PSME1: variants seen among roughly 807,000 people sequenced by gnomAD.
PSME1 encodes the protein proteasome activator subunit 1.
A neutral mutation model predicts 38.4 loss-of-function variants in PSME1; 15 were observed. The observed-to-expected ratio is 0.39, with a 90% confidence interval of 0.26 to 0.60. The LOEUF (loss-of-function observed/expected upper bound fraction) is 0.60, where lower values mean the gene tolerates loss of function less well. Among genes scored for constraint, PSME1 ranks in the 20% least tolerant of loss-of-function variants. The pLI is 0.53. For synonymous variants in PSME1, 106 were observed against 106.8 expected, an observed-to-expected ratio of 0.99 and a Z score of 0.05; for missense variants, 249 against 305.6, an observed-to-expected ratio of 0.81 and a Z score of 1.38.
At position 24,136,793 on chromosome 14, in the gene PSME1, G is replaced by A. The variant is rs1387453725; in HGVS notation, c.40-192G>A. On this transcript the variant is annotated intron_variant, in intron 1 of 10. Coordinates refer to ENST00000206451, the MANE Select transcript of PSME1 (RefSeq NM_006263.4). The surrounding 1 kb of genome is among the most constrained non-coding windows in gnomAD (Gnocchi z 4.8). ...ACCCACTCCACTTTCCGTAGATCCA[G>A]GTCTGCAGAGATCCACCTTCTCCAC... The A allele has an allele frequency of 3.0e-6, 2 of 671,174 alleles. No individual in the cohort carries two copies. Among genetic ancestry groups the A allele is most frequent in the African/African-American group, 3.6e-5 (2 of 56,224 alleles). 41.6% of individuals were successfully genotyped at this position (671,174 alleles called of 1,614,324 possible).
Position 24,136,760 on chromosome 14 carries a change from C to G in PSME1, c.40-225C>G, listed in dbSNP as rs1047050672. The G allele has an allele frequency of 1.4e-5, 9 of 627,922 alleles. No individual in the cohort carries two copies. Among genetic ancestry groups the G allele is most frequent in the Non-Finnish European group, 2.6e-5 (9 of 346,566 alleles). The allele number at this position is 627,922 out of a possible 1,614,324, so 38.9% of individuals were successfully genotyped here. On this transcript the variant is annotated intron_variant, in intron 1 of 10. Coordinates refer to ENST00000206451, the MANE Select transcript of PSME1 (RefSeq NM_006263.4). The surrounding 1 kb of genome is among the most constrained non-coding windows in gnomAD (Gnocchi z 4.8). ...ATGTTCTCATCCCCCATATCCAGCC[C>G]CAGGGATACCCACTCCACTTTCCGT... is the stretch of plus-strand genomic sequence containing the variant.
rs1555345675 is a variant in PSME1, at chr14:24,138,193, T to C, written c.460-3T>C. 2 of 1,614,134 alleles carry C rather than the reference T, an allele frequency of 1.2e-6. No homozygotes were observed. The highest frequency in any genetic ancestry group is 1.7e-6 in the Non-Finnish European group (2 of 1,180,014). On this transcript the variant is annotated splice_region_variant and splice_polypyrimidine_tract_variant and intron_variant, in intron 7 of 10. Transcript: ENST00000206451. ...CACTTTCCCCCTTGCTTTTTTTCCC[T>C]AGGAGAAGGTGTTTGAGCTGATGAC...
chr14:24,137,526 G>A lies in PSME1; in HGVS notation c.253G>A (p.Asp85Asn), dbSNP rs1348612609. ...EERKKQQEKE[D>N]KDEKKKGEDE... Reference sequence around the variant, plus strand: ...AGCTCCTCTCTTTCTGCAGAAGGAAGACAAGGATGAAAAGAAGAAGGGGGA... The same window carrying A: ...AGCTCCTCTCTTTCTGCAGAAGGAAAACAAGGATGAAAAGAAGAAGGGGGA... Residue 85 changes from aspartate (D) to asparagine (N), a missense_variant, in exon 5 of 11, where the codon GAC becomes AAC. Transcript: ENST00000206451. 1.2e-6 allele frequency: 2 copies of A among 1,614,232 alleles called. No homozygotes were observed. Among genetic ancestry groups the A allele is most frequent in the East Asian group, 2.2e-5 (1 of 44,890 alleles).
rs768505554 is a variant in PSME1 at position 24,136,966 on chromosome 14, G to A, written c.40-19G>A. ...TGGCCTTAAAGCCAAGTTTCTGAAG[G>A]GATGCGTGTGCCCCACAGGTGGATG... is the stretch of plus-strand genomic sequence containing the variant. On this transcript the variant is annotated intron_variant, in intron 1 of 10. Coordinates refer to ENST00000206451, the MANE Select transcript of PSME1 (RefSeq NM_006263.4). The surrounding 1 kb of genome is among the most constrained non-coding windows in gnomAD (Gnocchi z 4.8). 6.2e-6 allele frequency: 10 copies of A among 1,614,098 alleles called. No homozygotes were observed. In the South Asian group the frequency reaches 1.1e-4, roughly 18 times the overall value.
chr14:24,136,766 A>G lies in PSME1; in HGVS notation c.40-219A>G. On this transcript the variant is annotated intron_variant, in intron 1 of 10. Coordinates refer to ENST00000206451, the MANE Select transcript of PSME1 (RefSeq NM_006263.4). The surrounding 1 kb of genome is among the most constrained non-coding windows in gnomAD (Gnocchi z 4.8). ...TCATCCCCCATATCCAGCCCCAGGGATACCCACTCCACTTTCCGTAGATCC... is the reference window on the plus strand; with the variant it reads ...TCATCCCCCATATCCAGCCCCAGGGGTACCCACTCCACTTTCCGTAGATCC... 1 of 633,308 alleles carries G rather than the reference A, an allele frequency of 1.6e-6. No homozygotes were observed. Among genetic ancestry groups the G allele is most frequent in the Non-Finnish European group, 2.9e-6 (1 of 348,564 alleles). 39.2% of individuals were successfully genotyped at this position (633,308 alleles called of 1,614,324 possible).
chr14:24,137,213 G>C lies in PSME1; in HGVS notation c.135+8G>C, dbSNP rs775065143. 1 of 1,613,934 alleles carries C rather than the reference G, an allele frequency of 6.2e-7. No homozygotes were observed. The highest frequency in any genetic ancestry group is 8.5e-7 in the Non-Finnish European group (1 of 1,179,814). ...CTGGATGCATTTTTAAAGGTACCGCGGCTGGGCAGGGAGCTAGGGAGTAAA... is the reference window on the plus strand; with the variant it reads ...CTGGATGCATTTTTAAAGGTACCGCCGCTGGGCAGGGAGCTAGGGAGTAAA... On this transcript the variant is annotated splice_region_variant and intron_variant, in intron 3 of 10. Transcript: ENST00000206451.
rs1206796117 is a variant in PSME1, at chr14:24,136,880, C to T, written c.40-105C>T. The T allele has an allele frequency of 2.9e-6, 4 of 1,397,566 alleles. No individual in the cohort carries two copies. The highest frequency in any genetic ancestry group is 1.2e-5 in the South Asian group (1 of 85,398). 86.6% of individuals were successfully genotyped at this position (1,397,566 alleles called of 1,614,324 possible). A position where few individuals can be genotyped will look rare whatever the true frequency, so the allele number is the denominator to read the frequency against. ...CTTCAGGTCTGGCCTTAGAGGGATCCCCTCCACCCTTCCCCAGGTCAGGCC... is the reference window on the plus strand; with the variant it reads ...CTTCAGGTCTGGCCTTAGAGGGATCTCCTCCACCCTTCCCCAGGTCAGGCC... On this transcript the variant is annotated intron_variant, in intron 1 of 10. Coordinates refer to ENST00000206451, the MANE Select transcript of PSME1 (RefSeq NM_006263.4). The surrounding 1 kb of genome is among the most constrained non-coding windows in gnomAD (Gnocchi z 4.8).
intron 9 of PSME1, 25 bp downstream of exon 9, chr14:24,138,424 C>G: frequency 6.2e-7 from 1 of 1,614,172 alleles, no homozygotes; most frequent in Non-Finnish European, 8.5e-7. Flanking sequence ...GGTCAGGGTG[C>G]ATGGGGGAAG....
In PSME1 at chr14:24,136,934, A is replaced by G. The variant is rs1054385552; in HGVS notation, c.40-51A>G. The stretch of plus-strand genomic sequence containing the variant: ...CATAACCCTAAGGGAACTGTCCTCA[A>G]ATGAACTGGCCTTAAAGCCAAGTTT... On this transcript the variant is annotated intron_variant, in intron 1 of 10. Transcript: ENST00000206451. The surrounding 1 kb of genome is among the most constrained non-coding windows in gnomAD (Gnocchi z 4.8). 1.2e-6 allele frequency: 2 copies of G among 1,612,184 alleles called. No individual in the cohort carries two copies. The highest frequency in any genetic ancestry group is 2.2e-5 in the East Asian group (1 of 44,892).
At position 24,138,469 on chromosome 14, in the gene PSME1, C is replaced by T. The variant is rs781149506; in HGVS notation, c.583-5C>T. On this transcript the variant is annotated splice_region_variant and splice_polypyrimidine_tract_variant and intron_variant, in intron 9 of 10. Coordinates refer to ENST00000206451, the MANE Select transcript of PSME1 (RefSeq NM_006263.4). ...AAGGTCAGGCCTGACCCGAGCTTCC[C>T]ACAGGGTGATTATCGGCAGCTGGTG... 9 of 1,614,068 alleles carry T rather than the reference C, an allele frequency of 5.6e-6. No individual in the cohort carries two copies. The highest frequency in any genetic ancestry group is 7.6e-6 in the Non-Finnish European group (9 of 1,180,022).
At chr14:24,137,821 C>T in intron 6 of PSME1, 24 bp downstream of exon 6, 4 of 1,607,210 alleles carry the variant, frequency 2.5e-6, no homozygotes, top group East Asian at 2.2e-5. Context: ...CTTAAACTCT[C>T]AGGCTTCAAG....
In PSME1 at chr14:24,136,802, A is replaced by C. The variant is rs565712987; in HGVS notation, c.40-183A>C. The C allele has an allele frequency of 1.9e-5, 13 of 686,186 alleles. No individual in the cohort carries two copies. The East Asian group carries it at 3.2e-4, about 17-fold the overall frequency. 42.5% of individuals were successfully genotyped at this position (686,186 alleles called of 1,614,324 possible). A position where few individuals can be genotyped will look rare whatever the true frequency, so the allele number is the denominator to read the frequency against. ...ACTTTCCGTAGATCCAGGTCTGCAG[A>C]GATCCACCTTCTCCACCACCCCAAC... On this transcript the variant is annotated intron_variant, in intron 1 of 10. Transcript: ENST00000206451. This position sits in a 1 kb window ranked among gnomAD's most constrained non-coding sequence, Gnocchi z 4.8.
In PSME1 at chr14:24,136,407, C is replaced by A; in HGVS notation, c.39+106C>A. ...GGCTCCCACGCGAGTCGGGGGCAGTCGGCCGAGCTGGCGCGCCCGGAGCAC... is the reference window on the plus strand; with the variant it reads ...GGCTCCCACGCGAGTCGGGGGCAGTAGGCCGAGCTGGCGCGCCCGGAGCAC... On this transcript the variant is annotated intron_variant, in intron 1 of 10. Transcript: ENST00000206451. The surrounding 1 kb of genome is among the most constrained non-coding windows in gnomAD (Gnocchi z 4.8). The A allele has an allele frequency of 2.5e-6, 3 of 1,201,192 alleles. No individual in the cohort carries two copies. Among genetic ancestry groups the A allele is most frequent in the South Asian group, 1.8e-5 (1 of 54,698 alleles). The allele number at this position is 1,201,192 out of a possible 1,614,324, so 74.4% of individuals were successfully genotyped here. A position where few individuals can be genotyped will look rare whatever the true frequency, so the allele number is the denominator to read the frequency against.
intron 3 of PSME1, 41 bp from the exon 4 acceptor site, chr14:24,137,280 G>A (rs766378359): frequency 3.1e-5 from 50 of 1,610,242 alleles, no homozygotes; most frequent in South Asian, 1.2e-4. Flanking sequence ...TGAGGTGAGA[G>A]GAACTCCCTC....
chr14:24,138,587 T>TGGGCA, intron 10 of PSME1, 27 bp downstream of exon 10: 1 of 1,613,562 alleles, frequency 6.2e-7, no homozygotes, highest in Non-Finnish European at 8.5e-7. Flanking sequence ...AGGGCAGGGG[T>TGGGCA]GGGCAGAGGC....
At chr14:24,137,269 G>C in intron 3 of PSME1, 52 bp from the exon 4 acceptor site, 1 of 1,610,902 alleles carries the variant, frequency 6.2e-7, no homozygotes, top group Non-Finnish European at 8.5e-7. Context: ...GGCTGTGAGA[G>C]TGAGGTGAGA....
Position 24,137,309 on chromosome 14 carries a change from A to G in PSME1, c.136-12A>G. On this transcript the variant is annotated splice_polypyrimidine_tract_variant and intron_variant, in intron 3 of 10. Transcript: ENST00000206451. ...CTCCCTCACCTCCAGCCCTCCTCCC[A>G]CCCTACACCAGGAGCCAGCTCTCAA... 6.2e-7 allele frequency: 1 copy of G among 1,613,474 alleles called. No individual in the cohort carries two copies. The highest frequency in any genetic ancestry group is 8.5e-7 in the Non-Finnish European group (1 of 1,179,690).
rs146188494 is a variant in PSME1 at position 24,138,359 on chromosome 14, G to A, written c.542G>A (p.Arg181His). Residue 181 changes from arginine (R) to histidine (H), a missense_variant, in exon 9 of 11, where the codon CGT (arginine) becomes CAT (histidine). Coordinates refer to ENST00000206451, the MANE Select transcript of PSME1 (RefSeq NM_006263.4). ...HTQISKYFSE[R>H]GDAVTKAAKQ... ...TCCTTCCACAGGTATTTCTCTGAGC[G>A]TGGTGATGCAGTGACTAAAGCAGCC... 8.7e-6 allele frequency: 14 copies of A among 1,614,042 alleles called. No homozygotes were observed. The highest frequency in any genetic ancestry group is 1.0e-5 in the Non-Finnish European group (12 of 1,180,046).
intron 6 of PSME1, 38 bp from the exon 7 acceptor site, chr14:24,138,011 G>C: frequency 6.2e-7 from 1 of 1,607,902 alleles, no homozygotes; most frequent in Admixed American, 1.7e-5. Flanking sequence ...GAATTGGGTA[G>C]AGGGCTGATG....
Sources: gnomAD v4.1 joint callset for allele counts on GRCh38, gnomAD v4.1.1 for gene constraint, Gnocchi (gnomAD v3.1) non-coding constraint, MANE v1.5 for transcripts, NCBI Gene and HGNC (gene_info 2026-07-23, HGNC 2026-07-21) for gene names.